The following DPP10 variants were observed in gnomAD, a reference collection of about 807,000 sequenced individuals.
DPP10 encodes the protein inactive dipeptidyl peptidase 10.
Under a neutral mutation model 120.9 loss-of-function variants are expected in DPP10, and 33 were observed. That is an observed-to-expected ratio of 0.27 (90% CI 0.21 to 0.37). The LOEUF (loss-of-function observed/expected upper bound fraction) is 0.37, where lower values mean the gene tolerates loss of function less well. Ranked by LOEUF, DPP10 falls within the 10% of genes least tolerant of loss-of-function variation. The pLI is 1.00. For missense variants in DPP10, 816 were observed against 942.8 expected (o/e 0.87, Z 1.76); for synonymous variants, 337 against 326.1 (o/e 1.03, Z -0.36).
At chr2:114,935,876 T>TA (rs397698575) in intron 1 of DPP10, among the ~76,000 whole-genome samples, 7 of 152,018 alleles carry the variant, frequency 4.6e-5, no homozygotes, top group South Asian at 4.2e-4. Context: ...TTTTTTTTTT[T>TA]AAATCAGTAT....
chr2:115,662,703 C>T (rs1007429642), intron 5 of DPP10, among the ~76,000 whole-genome samples: 3 of 152,032 alleles, frequency 2.0e-5, no homozygotes, highest in Admixed American at 6.6e-5. Context: ...AATTGTTACA[C>T]CCAGTATCTT....
intron 1 of DPP10, among the ~76,000 whole-genome samples, chr2:114,830,533 T>C (rs190416592): frequency 1.1e-4 from 16 of 152,342 alleles, no homozygotes; most frequent in Admixed American, 6.5e-4. Flanking sequence ...ACAACTTACA[T>C]GTACGTAAAT....
At chr2:114,532,097 C>T (rs1193206703) in intron 1 of DPP10, among the ~76,000 whole-genome samples, 2 of 151,540 alleles carry the variant, frequency 1.3e-5, no homozygotes, top group South Asian at 2.1e-4. Context: ...TTTTTAGACT[C>T]GGATCAAAAT....
At chr2:114,592,210 G>A (rs376908590) in intron 1 of DPP10, among the ~76,000 whole-genome samples, 2 of 152,302 alleles carry the variant, frequency 1.3e-5, no homozygotes, top group Non-Finnish European at 1.5e-5. Context: ...TCTGAGGACA[G>A]AGAAGAATGT....
chr2:115,465,995 G>A (rs952441203), intron 3 of DPP10, among the ~76,000 whole-genome samples: 7 of 151,950 alleles, frequency 4.6e-5, no homozygotes, highest in African/African-American at 1.7e-4. Context: ...TCCATAATGG[G>A]TAATTACAGG....
intron 1 of DPP10, among the ~76,000 whole-genome samples, chr2:115,220,168 G>C (rs2057061974): frequency 6.6e-6 from 1 of 151,974 alleles, no homozygotes. Context: ...CAGAGTTACT[G>C]TTCCAAACCA....
At chr2:114,915,988 A>G (rs934427943) in intron 1 of DPP10, among the ~76,000 whole-genome samples, 1 of 152,148 alleles carries the variant, frequency 6.6e-6, no homozygotes, top group Non-Finnish European at 1.5e-5. Flanking sequence ...AACCAAAATC[A>G]GAGCTGAATT....
intron 1 of DPP10, among the ~76,000 whole-genome samples, chr2:114,456,918 G>A (rs147599269): frequency 5.3e-5 from 8 of 152,318 alleles, no homozygotes; most frequent in Middle Eastern, 3.4e-3. Context: ...TGTGGTTATA[G>A]AGTCCAAGTT....
intron 4 of DPP10, among the ~76,000 whole-genome samples, chr2:115,507,311 G>A (rs1319689555): frequency 6.6e-6 from 1 of 152,100 alleles, no homozygotes; most frequent in Non-Finnish European, 1.5e-5. Context: ...TTGTGTGTCA[G>A]ATAATATTCC....
chr2:115,429,111 C>T (rs1479721108), intron 3 of DPP10, among the ~76,000 whole-genome samples: 2 of 151,900 alleles, frequency 1.3e-5, no homozygotes, highest in Admixed American at 6.6e-5. Flanking sequence ...TAAACTTTAA[C>T]CGTAATTATT....
At chr2:114,540,384 AC>A (rs1686859892) in intron 1 of DPP10, among the ~76,000 whole-genome samples, 1 of 152,186 alleles carries the variant, frequency 6.6e-6, no homozygotes, top group Admixed American at 6.5e-5. Context: ...AGCCTGATAT[AC>A]CTATTTTAAA....
At chr2:114,550,508 G>A (rs955291801) in intron 1 of DPP10, among the ~76,000 whole-genome samples, 7 of 152,254 alleles carry the variant, frequency 4.6e-5, no homozygotes, top group African/African-American at 1.7e-4. Flanking sequence ...TGCTGGCAGA[G>A]TCGGTGCTTT....
chr2:115,009,681 C>T (rs1007020515), intron 1 of DPP10, among the ~76,000 whole-genome samples: 3 of 151,752 alleles, frequency 2.0e-5, no homozygotes, highest in Non-Finnish European at 2.9e-5. Flanking sequence ...ATGTAGATGA[C>T]GGGTTGATGG....
At chr2:115,514,164 GT>G (rs914479625) in intron 4 of DPP10, among the ~76,000 whole-genome samples, 19 of 151,960 alleles carry the variant, frequency 1.3e-4, no homozygotes, top group Middle Eastern at 3.4e-3. Context: ...GTGATGTTAT[GT>G]TTTTAGTGCT....
rs537572889 is a variant in DPP10 at position 115,362,452 on chromosome 2, T to A, written c.271+18540T>A. 7.2e-5 allele frequency among the ~76,000 whole-genome samples: 11 copies of A among 152,324 alleles called. 1 individual carries two copies. The South Asian group carries it at 2.3e-3, about 32-fold the overall frequency. On this transcript the variant is annotated intron_variant, in intron 3 of 25. Transcript: ENST00000410059. ...ACAGAGATAAATTGAATCTATACTTTTTTTTAACTTATATGTATAATAGAA... is the reference window on the plus strand; with the variant it reads ...ACAGAGATAAATTGAATCTATACTTATTTTTAACTTATATGTATAATAGAA...
At chr2:114,544,122 C>T (rs150419780) in intron 1 of DPP10, among the ~76,000 whole-genome samples, 10 of 151,884 alleles carry the variant, frequency 6.6e-5, no homozygotes, top group African/African-American at 2.4e-4. Flanking sequence ...TATAGTGTGC[C>T]ATAATGTGGT....
intron 1 of DPP10, among the ~76,000 whole-genome samples, chr2:114,906,921 T>A (rs1243778840): frequency 6.6e-6 from 1 of 152,192 alleles, no homozygotes; most frequent in South Asian, 2.1e-4. Flanking sequence ...GGTGTTATGC[T>A]TCAAATTTTC....
chr2:114,699,292 C>T (rs1238588868), intron 1 of DPP10, among the ~76,000 whole-genome samples: 15 of 148,982 alleles, frequency 1.0e-4, no homozygotes, highest in Admixed American at 2.0e-4. Flanking sequence ...TATACATATG[C>T]GTGTGTGTGT....
intron 3 of DPP10, among the ~76,000 whole-genome samples, chr2:115,486,221 GA>G (rs1215151562): frequency 2.9e-5 from 4 of 135,668 alleles, no homozygotes; most frequent in African/African-American, 1.0e-4. Context: ...CATGACTACA[GA>G]AATATTTTCA....
Sources: allele counts gnomAD v4.1 joint callset (sites outside exome capture counted in the v4.1 genomes callset), GRCh38; gene constraint gnomAD v4.1.1; transcripts MANE v1.5; gene names NCBI Gene and HGNC (gene_info 2026-07-23, HGNC 2026-07-21).